The following ZBTB7C variants were observed in gnomAD, a reference collection of about 807,000 sequenced individuals.
The protein encoded by ZBTB7C is zinc finger and BTB domain-containing protein 7C.
A neutral mutation model predicts 25.7 loss-of-function variants in ZBTB7C; 8 were observed. That is an observed-to-expected ratio of 0.31 (90% confidence interval 0.18 to 0.56). ZBTB7C has a LOEUF of 0.56. Among genes scored for constraint, ZBTB7C ranks in the 20% least tolerant of loss-of-function variants. ZBTB7C has a pLI of 0.91. For synonymous variants in ZBTB7C, 394 were observed against 369.0 expected, an observed-to-expected ratio of 1.07 and a Z score of -0.78; for missense variants, 824 against 855.2, an observed-to-expected ratio of 0.96 and a Z score of 0.46.
At chr18:48,306,967 G>C (rs1024733779) in intron 2 of ZBTB7C, among the ~76,000 whole-genome samples, 1 of 152,038 alleles carries the variant, frequency 6.6e-6, no homozygotes, top group Non-Finnish European at 1.5e-5. Flanking sequence ...GGCAAGAGAC[G>C]ATCTGCCAAC....
At chr18:48,370,568 A>T (rs554035287) in intron 1 of ZBTB7C, among the ~76,000 whole-genome samples, 1 of 152,292 alleles carries the variant, frequency 6.6e-6, no homozygotes, top group East Asian at 1.9e-4. Flanking sequence ...CATTGGGGGA[A>T]ACTGGGTTAA....
intron 1 of ZBTB7C, among the ~76,000 whole-genome samples, chr18:48,356,980 TGGAA>T (rs1158811615): frequency 6.6e-6 from 1 of 152,118 alleles, no homozygotes; most frequent in African/African-American, 2.4e-5. Context: ...CCCACTGAAC[TGGAA>T]GGGACTAGAG....
At chr18:48,380,524 G>A (rs1298340904) in intron 1 of ZBTB7C, among the ~76,000 whole-genome samples, 1 of 152,138 alleles carries the variant, frequency 6.6e-6, no homozygotes, top group African/African-American at 2.4e-5. Context: ...ACATACATAT[G>A]TACAGTGGTT....
intron 2 of ZBTB7C, among the ~76,000 whole-genome samples, chr18:48,236,060 G>A (rs1330608983): frequency 6.6e-6 from 1 of 152,128 alleles, no homozygotes; most frequent in Admixed American, 6.5e-5. Context: ...TTAGACATGT[G>A]TTAGACCTTC....
intron 3 of ZBTB7C, among the ~76,000 whole-genome samples, chr18:48,042,951 C>G (rs1026701361): frequency 2.6e-5 from 4 of 152,322 alleles, no homozygotes; most frequent in African/African-American, 9.6e-5. Flanking sequence ...ACAGAGTATA[C>G]AGATGGCAGA....
chr18:48,251,317 T>C (rs1264264503), intron 2 of ZBTB7C, among the ~76,000 whole-genome samples: 2 of 152,206 alleles, frequency 1.3e-5, no homozygotes, highest in East Asian at 1.9e-4. Flanking sequence ...ATAGCATTTA[T>C]TTGTATTCTT....
intron 1 of ZBTB7C, among the ~76,000 whole-genome samples, chr18:48,378,357 A>G (rs774868961): frequency 6.6e-6 from 1 of 152,196 alleles, no homozygotes; most frequent in Non-Finnish European, 1.5e-5. Context: ...CATTCCCATT[A>G]CTGAGGCTCC....
chr18:48,143,208 G>A (rs564048211), intron 3 of ZBTB7C, among the ~76,000 whole-genome samples: 2 of 152,228 alleles, frequency 1.3e-5, no homozygotes, highest in East Asian at 1.9e-4. Context: ...GGGTGGGGAG[G>A]TGACTTGCCT....
rs1297152861 is a variant in ZBTB7C at position 48,029,725 on chromosome 18, G to A, written c.1395C>T (p.Arg465=). The A allele has an allele frequency of 5.6e-6, 9 of 1,599,072 alleles. No individual in the cohort carries two copies. The highest frequency in any genetic ancestry group is 6.8e-6 in the Non-Finnish European group (8 of 1,174,318). ...KSFTRSDHLH[R]HIKRQSCRMA... ...TGCGGCAGCTCTGGCGCTTGATGTG[G>A]CGGTGCAGGTGGTCAGAGCGCGTGA... Residue 465 remains arginine, a synonymous_variant, in exon 5 of 5, where the codon CGC becomes CGT. Coordinates refer to ENST00000590800, the MANE Select transcript of ZBTB7C (RefSeq NM_001318841.2).
intron 2 of ZBTB7C, among the ~76,000 whole-genome samples, chr18:48,266,123 T>C (rs1331700442): frequency 6.6e-6 from 1 of 152,128 alleles, no homozygotes; most frequent in African/African-American, 2.4e-5. Context: ...TTCTGTAAGT[T>C]TGAGATTGTT....
intron 2 of ZBTB7C, among the ~76,000 whole-genome samples, chr18:48,232,642 GTACT>G (rs76828016): frequency 0.18 from 26,758 of 152,020 alleles, 2,523 homozygotes; most frequent in Admixed American, 0.24. Context: ...AAATTTTGGG[GTACT>G]TAGTTTTGCA....
intron 2 of ZBTB7C, among the ~76,000 whole-genome samples, chr18:48,219,087 C>T (rs2156651): frequency 0.98 from 148,880 of 152,264 alleles, 72,881 homozygotes; most frequent in Middle Eastern, 1. Flanking sequence ...ATCGTTCCAT[C>T]TGACCCTCAG....
rs7227657 is a variant in ZBTB7C at position 48,391,210 on chromosome 18, G to A, written c.-304+18016C>T. Among the ~76,000 whole-genome samples, 816 of 152,360 alleles carry A rather than the reference G, an allele frequency of 5.4e-3. 8 individuals carry two copies. The highest frequency in any genetic ancestry group is 0.019 in the African/African-American group (783 of 41,586). On this transcript the variant is annotated intron_variant, in intron 1 of 4. Transcript: ENST00000590800. Reference sequence around the variant, plus strand: ...GCAGCCTCAGAACTGAGCCAGCCAAGTGAAGGGACATCCTCTCCACGGGCC... The same window carrying A: ...GCAGCCTCAGAACTGAGCCAGCCAAATGAAGGGACATCCTCTCCACGGGCC...
At chr18:48,348,999 T>C (rs1302079163) in intron 1 of ZBTB7C, among the ~76,000 whole-genome samples, 1 of 152,026 alleles carries the variant, frequency 6.6e-6, no homozygotes, top group Non-Finnish European at 1.5e-5. Flanking sequence ...GAAAAAGCCC[T>C]GAGGGACAGA....
intron 1 of ZBTB7C, among the ~76,000 whole-genome samples, chr18:48,344,302 CAG>C (rs1468540819): frequency 6.6e-6 from 1 of 152,184 alleles, no homozygotes; most frequent in Admixed American, 6.5e-5. Flanking sequence ...TGTTTTAAAT[CAG>C]TGCTTGTCAA....
At chr18:48,271,046 A>G (rs2044471680) in intron 2 of ZBTB7C, among the ~76,000 whole-genome samples, 1 of 152,218 alleles carries the variant, frequency 6.6e-6, no homozygotes, top group Non-Finnish European at 1.5e-5. Context: ...TTTCTCAAGA[A>G]GAAATAAAAA....
In ZBTB7C at chr18:48,367,282, A is replaced by AT. The variant is rs1568404240; in HGVS notation, c.-303-28885_-303-28884insA. 4.7e-4 allele frequency among the ~76,000 whole-genome samples: 64 copies of AT among 135,054 alleles called. 1 individual carries two copies. The highest frequency in any genetic ancestry group is 1.3e-3 in the Admixed American group (18 of 13,530). The allele number at this position is 135,054 out of a possible 152,430, so 88.6% of individuals were successfully genotyped here. A position where few individuals can be genotyped will look rare whatever the true frequency, so the allele number is the denominator to read the frequency against. On this transcript the variant is annotated intron_variant, in intron 1 of 4. Coordinates refer to ENST00000590800, the MANE Select transcript of ZBTB7C (RefSeq NM_001318841.2). The stretch of plus-strand genomic sequence containing the variant: ...ATAGTATATATGTATATGTATATGT[A>AT]AATATGTATCTATACATATATGTAT...
At chr18:48,085,638 A>C (rs2038164536) in intron 3 of ZBTB7C, among the ~76,000 whole-genome samples, 1 of 152,248 alleles carries the variant, frequency 6.6e-6, no homozygotes, top group African/African-American at 2.4e-5. Context: ...ATGAGTACTT[A>C]GAACAATTCC....
chr18:48,344,025 C>A (rs1249101005), intron 1 of ZBTB7C, among the ~76,000 whole-genome samples: 1 of 152,164 alleles, frequency 6.6e-6, no homozygotes, highest in Non-Finnish European at 1.5e-5. Flanking sequence ...GGCTCTGTCA[C>A]CTAGGCTGGA....
Sources: gnomAD v4.1 joint callset for allele counts (sites outside exome capture counted in the v4.1 genomes callset) on GRCh38, gnomAD v4.1.1 for gene constraint, MANE v1.5 for transcripts, NCBI Gene and HGNC (gene_info 2026-07-23, HGNC 2026-07-21) for gene names.